Variants in MGAT4D observed in about 807,000 individuals in gnomAD.
The protein encoded by MGAT4D is alpha-1,3-mannosyl-glycoprotein 4-beta-N-acetylglucosaminyltransferase-like protein MGAT4D.
Under a neutral mutation model 15.9 loss-of-function variants are expected in MGAT4D, and 34 were observed. That is an observed-to-expected ratio of 2.14 (90% confidence interval 1.62 to 2.84). The LOEUF (loss-of-function observed/expected upper bound fraction) is 2.84, where lower values mean the gene tolerates loss of function less well. MGAT4D is among the 30% of genes most tolerant of loss of function. The pLI, the probability that MGAT4D is intolerant of heterozygous loss-of-function variation, is 0.00. For synonymous variants in MGAT4D, 112 were observed against 48.2 expected (o/e 2.33, Z -5.49); for missense variants, 327 against 140.2 (o/e 2.33, Z -6.73).
rs1560810059 is a variant in MGAT4D, at chr4:140,498,175, C to T, written c.48G>A (p.Ala16=). 7.1e-6 allele frequency: 5 copies of T among 702,564 alleles called. No homozygotes were observed. The highest frequency in any genetic ancestry group is 1.5e-5 in the South Asian group (1 of 67,598). 43.5% of individuals were successfully genotyped at this position (702,564 alleles called of 1,614,324 possible). The change falls in exon 1 of 11, where the codon GCG becomes GCA. Residue 16 remains alanine, a synonymous_variant. Transcript: ENST00000511113. ...TGGAGAAGCAAGAGAAGCTGAACAA[C>T]GCGACGGCGACCAGGGTGATCAGCA... ...VNLLITLVAV[A]LFSFSCFSIY...
chr4:140,447,751 G>A (rs1320131241), intron 10 of MGAT4D, among the ~76,000 whole-genome samples: 1 of 151,978 alleles, frequency 6.6e-6, no homozygotes, highest in African/African-American at 2.4e-5. Context: ...TCATTGTGTT[G>A]TTAGCTGGTT....
intron 10 of MGAT4D, 79 bp from the exon 11 acceptor site, chr4:140,443,523 C>A: frequency 2.2e-6 from 1 of 456,692 alleles, no homozygotes. Flanking sequence ...ATAGCAATTT[C>A]TTAATCATAT....
chr4:140,485,744 A>G (rs1733068701), intron 1 of MGAT4D, among the ~76,000 whole-genome samples: 1 of 136,002 alleles, frequency 7.4e-6, no homozygotes, highest in African/African-American at 2.7e-5. Flanking sequence ...CAGGAGATCA[A>G]GGCCACAGTG....
chr4:140,479,415 C>T (rs989864392), intron 3 of MGAT4D, 75 bp downstream of exon 3: 3 of 382,556 alleles, frequency 7.8e-6, no homozygotes, highest in African/African-American at 2.1e-5. Flanking sequence ...TAATGGATTA[C>T]ATCTTAAAAC....
intron 2 of MGAT4D, among the ~76,000 whole-genome samples, chr4:140,480,541 G>A (rs1157562589): frequency 1.3e-5 from 2 of 152,048 alleles, no homozygotes; most frequent in Non-Finnish European, 2.9e-5. Flanking sequence ...GCATCAGAAA[G>A]AGAATGAAAG....
intron 10 of MGAT4D, among the ~76,000 whole-genome samples, chr4:140,445,920 C>G (rs1730090943): frequency 6.6e-6 from 1 of 151,770 alleles, no homozygotes; most frequent in South Asian, 2.1e-4. Flanking sequence ...CCATTGAAAG[C>G]CTATCATGTG....
At chr4:140,472,208 C>T (rs1020620141) in intron 4 of MGAT4D, among the ~76,000 whole-genome samples, 3 of 152,024 alleles carry the variant, frequency 2.0e-5, no homozygotes, top group Admixed American at 1.3e-4. Flanking sequence ...TCTTCATTTC[C>T]TGAGTATTAT....
intron 10 of MGAT4D, among the ~76,000 whole-genome samples, chr4:140,449,005 T>C (rs1730300087): frequency 6.6e-6 from 1 of 152,260 alleles, no homozygotes. Context: ...GGGTGTCCTG[T>C]ATTTTATCTG....
Position 140,498,291 on chromosome 4 carries a change from C to T in MGAT4D, c.-69G>A. ...ATAATGCCAGGGACGGGGTTGAGCG[C>T]GCAGAGCCCCCTCCCCGCGGTGCCG... is the stretch of plus-strand genomic sequence containing the variant. On this transcript the variant is annotated 5_prime_UTR_variant, in exon 1 of 11. Coordinates refer to ENST00000511113, the MANE Select transcript of MGAT4D (RefSeq NM_001277353.2). 1 of 685,182 alleles carries T rather than the reference C, an allele frequency of 1.5e-6. No homozygotes were observed. Among genetic ancestry groups the T allele is most frequent in the South Asian group, 1.5e-5 (1 of 65,586 alleles). 42.4% of individuals were successfully genotyped at this position (685,182 alleles called of 1,614,324 possible).
intron 4 of MGAT4D, among the ~76,000 whole-genome samples, chr4:140,473,785 A>G (rs749697284): frequency 6.6e-5 from 10 of 151,754 alleles, no homozygotes; most frequent in Non-Finnish European, 1.5e-4. Flanking sequence ...TACAGGCTCT[A>G]CCTCCTGGGC....
intron 5 of MGAT4D, among the ~76,000 whole-genome samples, chr4:140,471,236 T>C (rs899834033): frequency 2.2e-5 from 2 of 90,128 alleles, no homozygotes; most frequent in East Asian, 1.0e-3. Flanking sequence ...GTTTCCTTCC[T>C]TCCTTCCTTC....
intron 3 of MGAT4D, among the ~76,000 whole-genome samples, chr4:140,477,452 G>C (rs754467413): frequency 4.7e-4 from 71 of 152,372 alleles, no homozygotes; most frequent in Non-Finnish European, 6.8e-4. Flanking sequence ...AGAATTCACA[G>C]AGAAGTTGTC....
chr4:140,443,467 A>G, intron 10 of MGAT4D, 23 bp from the exon 11 acceptor site: 2 of 528,398 alleles, frequency 3.8e-6, no homozygotes, highest in South Asian at 2.3e-5. Flanking sequence ...CAAAAAATGT[A>G]ACATCTAGAA....
At chr4:140,497,863 C>A (rs935608534) in intron 1 of MGAT4D, among the ~76,000 whole-genome samples, 1 of 152,196 alleles carries the variant, frequency 6.6e-6, no homozygotes, top group African/African-American at 2.4e-5. Flanking sequence ...GCGGCGGGTA[C>A]CCTGGGCCAG....
intron 1 of MGAT4D, among the ~76,000 whole-genome samples, chr4:140,488,730 G>A (rs182824139): frequency 4.8e-4 from 73 of 152,318 alleles, no homozygotes; most frequent in African/African-American, 1.6e-3. Flanking sequence ...CAAATCTCAT[G>A]TTGAATTGTA....
intron 9 of MGAT4D, among the ~76,000 whole-genome samples, chr4:140,453,880 A>G (rs941016871): frequency 6.6e-6 from 1 of 152,170 alleles, no homozygotes; most frequent in African/African-American, 2.4e-5. Flanking sequence ...TACTTATAGC[A>G]GTGTGAAAAT....
At chr4:140,450,033 T>C in intron 10 of MGAT4D, 1 of 296,914 alleles carries the variant, frequency 3.4e-6, no homozygotes, top group East Asian at 5.1e-5. Flanking sequence ...AGTTGAGAAA[T>C]AGTCTAATTC....
chr4:140,473,513 A>G (rs1457520930), intron 4 of MGAT4D, among the ~76,000 whole-genome samples: 1 of 152,188 alleles, frequency 6.6e-6, no homozygotes, highest in Non-Finnish European at 1.5e-5. Context: ...CTTATGGCAT[A>G]GGCAATATGA....
intron 5 of MGAT4D, among the ~76,000 whole-genome samples, chr4:140,471,217 C>G (rs1731920764): frequency 6.7e-6 from 1 of 149,350 alleles, no homozygotes; most frequent in Non-Finnish European, 1.5e-5. Flanking sequence ...TTTCTCCTTT[C>G]TCCTTTTTGT....
Sources: gnomAD v4.1 joint callset for allele counts (sites outside exome capture counted in the v4.1 genomes callset) on GRCh38, gnomAD v4.1.1 for gene constraint, MANE v1.5 for transcripts, NCBI Gene and HGNC (gene_info 2026-07-23, HGNC 2026-07-21) for gene names.